Variants in ARHGAP27 observed in about 807,000 individuals in gnomAD.
ARHGAP27 encodes the protein rho GTPase-activating protein 27.
In ARHGAP27, 53 loss-of-function variants were observed where a neutral mutation model predicts 102.0. That is an observed-to-expected ratio of 0.52 (90% CI 0.42 to 0.65). The LOEUF is 0.65. ARHGAP27 is among the 30% of genes least tolerant of loss of function. The probability of loss-of-function intolerance (pLI) is 0.00; values close to 1 mark genes in which losing one functional copy is unlikely to be tolerated. For synonymous variants in ARHGAP27, 525 were observed against 542.8 expected (o/e 0.97, Z 0.46); for missense variants, 1,117 against 1,256.2 (o/e 0.89, Z 1.68).
intron 4 of ARHGAP27, among the ~76,000 whole-genome samples, chr17:45,417,767 A>AAAT (rs1199703198): frequency 7.2e-6 from 1 of 139,768 alleles, no homozygotes; most frequent in Non-Finnish European, 1.6e-5. Context: ...AAAAAAAAAA[A>AAAT]TTTTGGCCGG....
At chr17:45,404,879 G>A in intron 6 of ARHGAP27, 45 bp downstream of exon 6, 3 of 1,613,394 alleles carry the variant, frequency 1.9e-6, no homozygotes, top group Non-Finnish European at 2.5e-6. Context: ...AAGGTTGTGG[G>A]GAGGACTCTG....
In ARHGAP27 at chr17:45,430,404, T is replaced by C; in HGVS notation, c.-18-107A>G. On this transcript the variant is annotated intron_variant, in intron 3 of 19. Transcript: ENST00000685559. The surrounding 1 kb of genome is among the most constrained non-coding windows in gnomAD (Gnocchi z 4.4). ...TCGAGTCCCGATCCTGCACTCGCCG[T>C]TCGCCTTCGGGCCTCAGTTTTCCCA... The C allele has an allele frequency of 1.4e-6, 2 of 1,445,788 alleles. No individual in the cohort carries two copies. Among genetic ancestry groups the C allele is most frequent in the Non-Finnish European group, 1.8e-6 (2 of 1,104,976 alleles). 89.6% of individuals were successfully genotyped at this position (1,445,788 alleles called of 1,614,324 possible). A position where few individuals can be genotyped will look rare whatever the true frequency, so the allele number is the denominator to read the frequency against.
intron 13 of ARHGAP27, chr17:45,397,742 C>CT: frequency 2.3e-6 from 1 of 430,890 alleles, no homozygotes; most frequent in South Asian, 8.6e-5. Context: ...CCTGGAGAGT[C>CT]TTCCTGCAGG....
chr17:45,428,672 T>C (rs2049825116), intron 4 of ARHGAP27, among the ~76,000 whole-genome samples: 1 of 152,056 alleles, frequency 6.6e-6, no homozygotes, highest in African/African-American at 2.4e-5. Context: ...AATCAGAGGC[T>C]CCCGAGGATC....
At chr17:45,420,814 C>T (rs35420583) in intron 4 of ARHGAP27, among the ~76,000 whole-genome samples, 21,064 of 151,512 alleles carry the variant, frequency 0.14, 1,729 homozygotes, top group Middle Eastern at 0.23. Context: ...ATTAGCCGGG[C>T]ATGTTGGGGG....
chr17:45,400,455 C>T (rs1301424857), intron 12 of ARHGAP27, among the ~76,000 whole-genome samples: 1 of 152,136 alleles, frequency 6.6e-6, no homozygotes, highest in Non-Finnish European at 1.5e-5. Context: ...GCCCACCTTC[C>T]CACTGGCCTG....
Position 45,430,240 on chromosome 17 carries a change from C to G in ARHGAP27, c.40G>C (p.Glu14Gln), listed in dbSNP as rs1251206258. 2 of 1,576,808 alleles carry G rather than the reference C, an allele frequency of 1.3e-6. No individual in the cohort carries two copies. Among genetic ancestry groups the G allele is most frequent in the Admixed American group, 3.5e-5 (2 of 57,170 alleles). ...DVVGDVYVLV[E>Q]HPFEYTGKDG... is the part of the protein sequence containing the mutation. Reference sequence around the variant, plus strand: ...TTGCCGGTGTACTCGAAGGGGTGCTCCACCAGCACGTACACGTCCCCCACC... The same window carrying G: ...TTGCCGGTGTACTCGAAGGGGTGCTGCACCAGCACGTACACGTCCCCCACC... Residue 14 changes from glutamate (E) to glutamine (Q), a missense_variant, in exon 4 of 20, where the codon GAG becomes CAG. By Grantham distance (29) the Glu-to-Gln change is conservative. This residue lies in a region of ARHGAP27 where 610 missense variants were observed against 716.4 expected (regional missense o/e 0.85). Coordinates refer to ENST00000685559, the MANE Select transcript of ARHGAP27 (RefSeq NM_001282290.2). This position sits in a 1 kb window ranked among gnomAD's most constrained non-coding sequence, Gnocchi z 4.4.
chr17:45,397,840 A>G, intron 13 of ARHGAP27, 109 bp downstream of exon 13: 1 of 938,070 alleles, frequency 1.1e-6, no homozygotes, highest in Non-Finnish European at 1.6e-6. Context: ...TGGGGACTGC[A>G]TTTGCATTAC....
Position 45,429,782 on chromosome 17 carries a change from C to T in ARHGAP27, c.498G>A (p.Ser166=), listed in dbSNP as rs770842279. The T allele has an allele frequency of 5.9e-6, 9 of 1,522,798 alleles. No homozygotes were observed. In the African/African-American group the frequency reaches 1.3e-4, roughly 21 times the overall value. 94.3% of individuals were successfully genotyped at this position (1,522,798 alleles called of 1,614,324 possible). The change falls in exon 4 of 20, where the codon TCG becomes TCA. Residue 166 remains serine (S), a synonymous_variant. Coordinates refer to ENST00000685559, the MANE Select transcript of ARHGAP27 (RefSeq NM_001282290.2). ...TGCTTCCTAGGAGGCCGGCGGGAGGCGAGACGGCGGCGCAGGCCAGGTCGT... is the reference window on the plus strand; with the variant it reads ...TGCTTCCTAGGAGGCCGGCGGGAGGTGAGACGGCGGCGCAGGCCAGGTCGT... ...SLNDLACAAV[S]PPAGLLGSSG...
chr17:45,396,875 A>T (rs1597758211), intron 14 of ARHGAP27, 41 bp downstream of exon 14: 1 of 1,606,220 alleles, frequency 6.2e-7, no homozygotes, highest in Non-Finnish European at 8.5e-7. Flanking sequence ...TCCCCAGGAG[A>T]GGCCTCCTGG....
intron 4 of ARHGAP27, chr17:45,429,375 C>A: frequency 7.5e-7 from 1 of 1,336,108 alleles, no homozygotes; most frequent in Non-Finnish European, 9.6e-7. Context: ...AATTTTGCCA[C>A]CAATTGGATT....
At chr17:45,406,937 A>G (rs531838259) in intron 4 of ARHGAP27, among the ~76,000 whole-genome samples, 2 of 152,330 alleles carry the variant, frequency 1.3e-5, no homozygotes, top group South Asian at 4.1e-4. Context: ...GGGCTGGAGA[A>G]TGGAGGGGCA....
At chr17:45,397,813 G>A (rs1315674975) in intron 13 of ARHGAP27, 136 bp downstream of exon 13, 2 of 681,668 alleles carry the variant, frequency 2.9e-6, no homozygotes, top group Non-Finnish European at 4.5e-6. Flanking sequence ...CGCCTACCCT[G>A]CCATCCTAGC....
In ARHGAP27 at chr17:45,395,278, T is replaced by G; in HGVS notation, c.*178A>C. 1 of 715,828 alleles carries G rather than the reference T, an allele frequency of 1.4e-6. No homozygotes were observed. The highest frequency in any genetic ancestry group is 2.0e-5 in the South Asian group (1 of 49,830). 44.3% of individuals were successfully genotyped at this position (715,828 alleles called of 1,614,324 possible). A position where few individuals can be genotyped will look rare whatever the true frequency, so the allele number is the denominator to read the frequency against. On this transcript the variant is annotated 3_prime_UTR_variant, in exon 20 of 20. Transcript: ENST00000685559. ...GGGAGTTGGGAAGAAGGAATCACATTTTGCAAACTGCCCACTAGGGGTCAC... is the reference window on the plus strand; with the variant it reads ...GGGAGTTGGGAAGAAGGAATCACATGTTGCAAACTGCCCACTAGGGGTCAC...
At position 45,395,208 on chromosome 17, in the gene ARHGAP27, G is replaced by T. The variant is rs1296369374; in HGVS notation, c.*248C>A. The T allele has an allele frequency of 5.3e-6, 3 of 567,920 alleles. No homozygotes were observed. The highest frequency in any genetic ancestry group is 6.0e-5 in the East Asian group (2 of 33,410). The allele number at this position is 567,920 out of a possible 1,614,324, so 35.2% of individuals were successfully genotyped here. A position where few individuals can be genotyped will look rare whatever the true frequency, so the allele number is the denominator to read the frequency against. On this transcript the variant is annotated 3_prime_UTR_variant, in exon 20 of 20. Coordinates refer to ENST00000685559, the MANE Select transcript of ARHGAP27 (RefSeq NM_001282290.2). ...GGCGCGATGCAACAGAGAAAAAACCGAATTAACCCCCAAACAGGACGTGAC... is the reference window on the plus strand; with the variant it reads ...GGCGCGATGCAACAGAGAAAAAACCTAATTAACCCCCAAACAGGACGTGAC...
intron 4 of ARHGAP27, among the ~76,000 whole-genome samples, chr17:45,423,937 T>C (rs1266672276): frequency 6.6e-6 from 1 of 152,228 alleles, no homozygotes; most frequent in Non-Finnish European, 1.5e-5. Flanking sequence ...AGTTAAGCTA[T>C]TTTTATAGGG....
chr17:45,404,089 G>T lies in ARHGAP27; in HGVS notation c.1487C>A (p.Thr496Asn), dbSNP rs932314148. Residue 496 changes from threonine (T) to asparagine (N), a missense_variant, in exon 10 of 20, where the codon ACC (threonine) becomes AAC (asparagine). Around this residue, in one of 3 missense-constraint regions of ARHGAP27, gnomAD observed 610 missense variants for 716.4 expected, o/e 0.85. Transcript: ENST00000685559. ...ATGGAGCACCCCTGCCTTGTCCAAGGTCTTGGTCTAAGAGAGAGAAGAGAG... is the reference window on the plus strand; with the variant it reads ...ATGGAGCACCCCTGCCTTGTCCAAGTTCTTGGTCTAAGAGAGAGAAGAGAG... ...SPATAAVRTK[T>N]LDKAGVLHRT... is the part of the protein sequence containing the mutation. The T allele has an allele frequency of 1.1e-5, 17 of 1,614,004 alleles. No individual in the cohort carries two copies. In the Middle Eastern group the frequency reaches 2.1e-3, roughly 203 times the overall value.
intron 4 of ARHGAP27, among the ~76,000 whole-genome samples, chr17:45,425,105 G>C (rs1448705882): frequency 6.6e-6 from 1 of 152,084 alleles, no homozygotes; most frequent in East Asian, 1.9e-4. Flanking sequence ...TCCTAAGTCA[G>C]GTCCTAGGCA....
intron 19 of ARHGAP27, 31 bp from the exon 20 acceptor site, chr17:45,395,664 C>T (rs2045520561): frequency 4.6e-6 from 7 of 1,535,090 alleles, no homozygotes; most frequent in Middle Eastern, 1.8e-4. Flanking sequence ...TTCAGGGCTC[C>T]GAACTGCGAA....
Sources: gnomAD v4.1 joint callset for allele counts (sites outside exome capture counted in the v4.1 genomes callset) on GRCh38, gnomAD v4.1.1 for gene constraint, gnomAD v4.1.1 regional missense constraint, Gnocchi (gnomAD v3.1) non-coding constraint, MANE v1.5 for transcripts, NCBI Gene and HGNC (gene_info 2026-07-23, HGNC 2026-07-21) for gene names.